The following OSBPL8 variants were observed in gnomAD, a reference collection of about 807,000 sequenced individuals.
OSBPL8 encodes the protein oxysterol binding protein like 8.
Under a neutral mutation model 125.5 loss-of-function variants are expected in OSBPL8, and 59 were observed. The observed-to-expected ratio is 0.47, with a 90% CI of 0.38 to 0.58. The LOEUF (loss-of-function observed/expected upper bound fraction) is 0.58, where lower values mean the gene tolerates loss of function less well. Ranked by LOEUF, OSBPL8 falls within the 20% of genes least tolerant of loss-of-function variation. The pLI, the probability that OSBPL8 is intolerant of heterozygous loss-of-function variation, is 0.00. For synonymous variants in OSBPL8, 330 were observed against 338.9 expected (o/e 0.97, Z 0.29); for missense variants, 758 against 1,047.8 (o/e 0.72, Z 3.82).
chr12:76,498,987 C>T (rs1356389752), intron 1 of OSBPL8, among the ~76,000 whole-genome samples: 1 of 152,098 alleles, frequency 6.6e-6, no homozygotes, highest in Non-Finnish European at 1.5e-5. Context: ...AGTACTGATC[C>T]TGGGTGTTTC....
intron 1 of OSBPL8, among the ~76,000 whole-genome samples, chr12:76,513,252 G>A (rs1881186976): frequency 6.6e-6 from 1 of 150,962 alleles, no homozygotes; most frequent in African/African-American, 2.4e-5. Flanking sequence ...GATTTTCTTA[G>A]TCTTGACTTC....
Position 76,386,560 on chromosome 12 carries a change from T to C in OSBPL8, c.1434+19A>G, listed in dbSNP as rs373960209. 57 of 1,552,432 alleles carry C rather than the reference T, an allele frequency of 3.7e-5. No individual in the cohort carries two copies. The highest frequency in any genetic ancestry group is 4.8e-5 in the Non-Finnish European group (55 of 1,138,610). On this transcript the variant is annotated intron_variant, in intron 13 of 23. Transcript: ENST00000261183. ...TCATAAAACACTAAAGACAATAAAATGTAAACAAACATTATTACCTTTGGC... is the reference window on the plus strand; with the variant it reads ...TCATAAAACACTAAAGACAATAAAACGTAAACAAACATTATTACCTTTGGC...
chr12:76,396,998 A>T (rs11614323), intron 8 of OSBPL8, among the ~76,000 whole-genome samples: 2 of 151,518 alleles, frequency 1.3e-5, no homozygotes, highest in Non-Finnish European at 2.9e-5. Context: ...TATTTTTTGC[A>T]GAGACAGGGT....
intron 3 of OSBPL8, among the ~76,000 whole-genome samples, chr12:76,453,711 T>C (rs917617090): frequency 6.6e-6 from 1 of 151,918 alleles, no homozygotes; most frequent in Non-Finnish European, 1.5e-5. Flanking sequence ...AATTAAAAAA[T>C]CAGTAAGTTC....
intron 19 of OSBPL8, 179 bp downstream of exon 19, chr12:76,371,269 C>T (rs963439853): frequency 2.1e-5 from 12 of 572,582 alleles, no homozygotes; most frequent in African/African-American, 3.9e-5. Context: ...AAAAGCAAGA[C>T]GATTTATATT....
intron 1 of OSBPL8, among the ~76,000 whole-genome samples, chr12:76,517,607 C>T (rs1399195520): frequency 2.0e-5 from 3 of 151,998 alleles, no homozygotes; most frequent in Non-Finnish European, 4.4e-5. Context: ...TGTACTAGTC[C>T]AGTTTTGCAT....
At chr12:76,472,256 T>A (rs568210422) in intron 2 of OSBPL8, among the ~76,000 whole-genome samples, 1 of 152,202 alleles carries the variant, frequency 6.6e-6, no homozygotes, top group Non-Finnish European at 1.5e-5. Context: ...GTTTAATATA[T>A]GTAAAATTGG....
intron 4 of OSBPL8, among the ~76,000 whole-genome samples, chr12:76,416,264 C>T (rs1332537114): frequency 4.6e-5 from 7 of 151,868 alleles, no homozygotes; most frequent in Admixed American, 4.6e-4. Context: ...AAAATAAGGT[C>T]AGATAATATG....
chr12:76,423,976 G>C (rs1054575212), intron 4 of OSBPL8, among the ~76,000 whole-genome samples: 1 of 152,006 alleles, frequency 6.6e-6, no homozygotes, highest in African/African-American at 2.4e-5. Context: ...AAGAACACAT[G>C]AAAAAGCAAA....
intron 1 of OSBPL8, among the ~76,000 whole-genome samples, chr12:76,548,073 T>C (rs1277217700): frequency 1.3e-5 from 2 of 152,172 alleles, no homozygotes; most frequent in Non-Finnish European, 2.9e-5. Context: ...GTTTCTTCTG[T>C]TTATGAAGCT....
chr12:76,506,800 C>T (rs1360398327), intron 1 of OSBPL8, among the ~76,000 whole-genome samples: 1 of 152,060 alleles, frequency 6.6e-6, no homozygotes, highest in Non-Finnish European at 1.5e-5. Context: ...TCTCTTCATC[C>T]TTTAGAGGTC....
chr12:76,526,465 C>G lies in OSBPL8; in HGVS notation c.-68+32932G>C, dbSNP rs184665508. On this transcript the variant is annotated intron_variant, in intron 1 of 23. Transcript: ENST00000261183. The stretch of plus-strand genomic sequence containing the variant: ...ATTTTTGCTATGCACTACTAGTATA[C>G]AGTTACTTAATTTTTTTTTACTGGC... Among the ~76,000 whole-genome samples, 65 of 151,904 alleles carry G rather than the reference C, an allele frequency of 4.3e-4. 1 individual carries two copies. The South Asian group carries it at 0.012, about 28-fold the overall frequency.
rs181532358 is a variant in OSBPL8, at chr12:76,488,111, A to C, written c.-67-493T>G. 3.4e-3 allele frequency among the ~76,000 whole-genome samples: 525 copies of C among 152,344 alleles called. 4 individuals carry two copies. The highest frequency in any genetic ancestry group is 0.017 in the Middle Eastern group (5 of 294). Reference sequence around the variant, plus strand: ...TTCCCACAGATATACAAATGCCCAGAAATATATAAACAATTCCAACACAGT... The same window carrying C: ...TTCCCACAGATATACAAATGCCCAGCAATATATAAACAATTCCAACACAGT... On this transcript the variant is annotated intron_variant, in intron 1 of 23. Coordinates refer to ENST00000261183, the MANE Select transcript of OSBPL8 (RefSeq NM_020841.5).
chr12:76,429,371 C>G (rs899333217), intron 4 of OSBPL8, among the ~76,000 whole-genome samples: 22 of 151,690 alleles, frequency 1.5e-4, no homozygotes, highest in African/African-American at 5.3e-4. Flanking sequence ...TGTTAGGCAC[C>G]TTAGTTTCCG....
At chr12:76,515,412 G>C (rs1443562846) in intron 1 of OSBPL8, among the ~76,000 whole-genome samples, 1 of 152,144 alleles carries the variant, frequency 6.6e-6, no homozygotes, top group African/African-American at 2.4e-5. Flanking sequence ...GTTTCAGAGG[G>C]GTATGTTAGA....
intron 1 of OSBPL8, among the ~76,000 whole-genome samples, chr12:76,531,278 A>C (rs906741024): frequency 6.6e-6 from 1 of 152,220 alleles, no homozygotes; most frequent in Non-Finnish European, 1.5e-5. Context: ...ACAAGCACAA[A>C]GAAAAACAAG....
At chr12:76,455,418 C>A (rs1159103916) in intron 3 of OSBPL8, among the ~76,000 whole-genome samples, 1 of 152,152 alleles carries the variant, frequency 6.6e-6, no homozygotes, top group East Asian at 1.9e-4. Context: ...TTTATAAGAA[C>A]CACTAGCAGA....
At position 76,548,684 on chromosome 12, in the gene OSBPL8, C is replaced by G. The variant is rs573203871; in HGVS notation, c.-68+10713G>C. On this transcript the variant is annotated intron_variant, in intron 1 of 23. Coordinates refer to ENST00000261183, the MANE Select transcript of OSBPL8 (RefSeq NM_020841.5). ...CTCTCTTTTACCCTAAAACAATCTG[C>G]CAAGAGACAGATCCTACTCTGTACT... Among the ~76,000 whole-genome samples, 4 of 152,166 alleles carry G rather than the reference C, an allele frequency of 2.6e-5. No homozygotes were observed. In the East Asian group the frequency reaches 7.7e-4, roughly 29 times the overall value.
At chr12:76,554,427 C>G (rs961071502) in intron 1 of OSBPL8, among the ~76,000 whole-genome samples, 2 of 152,198 alleles carry the variant, frequency 1.3e-5, no homozygotes, top group Non-Finnish European at 2.9e-5. Flanking sequence ...AGTCAAAGGT[C>G]AGGTTAAACC....
Sources: allele counts gnomAD v4.1 joint callset (sites outside exome capture counted in the v4.1 genomes callset), GRCh38; gene constraint gnomAD v4.1.1; transcripts MANE v1.5; gene names NCBI Gene and HGNC (gene_info 2026-07-23, HGNC 2026-07-21).